Variants in ZDHHC14 observed in about 807,000 individuals in gnomAD.
The protein encoded by ZDHHC14 is zDHHC palmitoyltransferase 14.
ZDHHC14 carries 16 observed loss-of-function variants against 47.7 expected under a neutral mutation model. The observed-to-expected ratio is 0.34, with a 90% CI of 0.23 to 0.51. The LOEUF is 0.51. Among genes scored for constraint, ZDHHC14 ranks in the 20% least tolerant of loss-of-function variants. The pLI is 0.97. For synonymous variants in ZDHHC14, 293 were observed against 278.9 expected (o/e 1.05, Z -0.50); for missense variants, 515 against 662.5 (o/e 0.78, Z 2.44).
Position 157,645,865 on chromosome 6 carries a change from G to A in ZDHHC14, c.855+26G>A, listed in dbSNP as rs201327019. The stretch of plus-strand genomic sequence containing the variant: ...GTAAGTTCCTGACCACACGGGACAC[G>A]GGCGTGTTCTTGGGTTTTGGGCAAT... On this transcript the variant is annotated intron_variant, in intron 6 of 8. Transcript: ENST00000359775. The A allele has an allele frequency of 2.7e-4, 437 of 1,602,378 alleles. 1 individual carries two copies. In the African/African-American group the frequency reaches 4.7e-3, roughly 17 times the overall value.
At chr6:157,474,155 A>G (rs990014418) in intron 1 of ZDHHC14, among the ~76,000 whole-genome samples, 10 of 151,814 alleles carry the variant, frequency 6.6e-5, no homozygotes, top group Non-Finnish European at 1.3e-4. Flanking sequence ...TGCCCAGCTA[A>G]TTTTTTTGTA....
At chr6:157,540,488 A>G (rs1299653315) in intron 1 of ZDHHC14, among the ~76,000 whole-genome samples, 3 of 152,334 alleles carry the variant, frequency 2.0e-5, no homozygotes, top group African/African-American at 7.2e-5. Context: ...CCCTCACAGG[A>G]GGGTTCTGGC....
At chr6:157,488,910 C>G (rs1253931910) in intron 1 of ZDHHC14, among the ~76,000 whole-genome samples, 1 of 152,200 alleles carries the variant, frequency 6.6e-6, no homozygotes, top group East Asian at 1.9e-4. Flanking sequence ...AGCAATCATG[C>G]CACCCATTTA....
At chr6:157,610,515 T>A (rs529061599) in intron 3 of ZDHHC14, among the ~76,000 whole-genome samples, 1 of 152,336 alleles carries the variant, frequency 6.6e-6, no homozygotes, top group East Asian at 1.9e-4. Context: ...AGCCTCCTTT[T>A]ATCTCAACAG....
chr6:157,624,538 C>T (rs1001195344), intron 3 of ZDHHC14, among the ~76,000 whole-genome samples: 1 of 152,202 alleles, frequency 6.6e-6, no homozygotes, highest in Admixed American at 6.5e-5. Context: ...TATGTTGTGG[C>T]AGTTTCTTCT....
chr6:157,597,792 A>T (rs947235312), intron 3 of ZDHHC14, among the ~76,000 whole-genome samples: 6 of 152,246 alleles, frequency 3.9e-5, no homozygotes, highest in African/African-American at 1.4e-4. Flanking sequence ...CGAGCAGACC[A>T]GCCTCCTCCC....
chr6:157,484,306 CATATATAT>C (rs1042050871), intron 1 of ZDHHC14, among the ~76,000 whole-genome samples: 3 of 90,180 alleles, frequency 3.3e-5, no homozygotes, highest in Non-Finnish European at 4.5e-5. Context: ...TATATATATA[CATATATAT>C]ACACATATAT....
chr6:157,647,154 T>C, intron 6 of ZDHHC14, 105 bp from the exon 7 acceptor site: 1 of 767,022 alleles, frequency 1.3e-6, no homozygotes, highest in Non-Finnish European at 2.1e-6. Context: ...TTTCTTTGGA[T>C]TAAAGATGAT....
In ZDHHC14 at chr6:157,640,651, C is replaced by T. The variant is rs113194078; in HGVS notation, c.753-5086C>T. On this transcript the variant is annotated intron_variant, in intron 5 of 8. Transcript: ENST00000359775. ...GCCCAGTTCTCCCAACTACCACCCT[C>T]CCTCCCACCAGGGGACTGAGATACT... Among the ~76,000 whole-genome samples, 3 of 152,122 alleles carry T rather than the reference C, an allele frequency of 2.0e-5. No homozygotes were observed. In the South Asian group the frequency reaches 6.2e-4, roughly 32 times the overall value.
chr6:157,642,066 A>AGT (rs1583061316), intron 5 of ZDHHC14, among the ~76,000 whole-genome samples: 45 of 147,830 alleles, frequency 3.0e-4, no homozygotes, highest in East Asian at 1.6e-3. Flanking sequence ...AGATAGATAG[A>AGT]TAGTTATCAT....
intron 2 of ZDHHC14, among the ~76,000 whole-genome samples, chr6:157,546,686 T>C (rs1781983730): frequency 6.6e-6 from 1 of 152,114 alleles, no homozygotes; most frequent in African/African-American, 2.4e-5. Context: ...TTTTTACAGT[T>C]CACCCAAGGA....
At chr6:157,551,707 T>C (rs1268799419) in intron 2 of ZDHHC14, among the ~76,000 whole-genome samples, 1 of 152,212 alleles carries the variant, frequency 6.6e-6, no homozygotes, top group East Asian at 1.9e-4. Context: ...TCCTCTCCAC[T>C]GCAACTCCCA....
At chr6:157,538,750 C>T (rs1106603) in intron 1 of ZDHHC14, among the ~76,000 whole-genome samples, 27,399 of 152,070 alleles carry the variant, frequency 0.18, 3,960 homozygotes, top group African/African-American at 0.4. Flanking sequence ...GAAACTCTAC[C>T]AAGGCTTTTC....
chr6:157,442,508 C>T (rs1778580600), intron 1 of ZDHHC14, among the ~76,000 whole-genome samples: 2 of 152,200 alleles, frequency 1.3e-5, no homozygotes. Context: ...CCATTTTCCT[C>T]CTGGCTTTCG....
intron 2 of ZDHHC14, among the ~76,000 whole-genome samples, chr6:157,573,917 C>T (rs1783196766): frequency 6.6e-6 from 1 of 151,846 alleles, no homozygotes; most frequent in Admixed American, 6.6e-5. Flanking sequence ...GGGGTCTGTG[C>T]TCAAGCATGC....
At chr6:157,647,631 C>G (rs1383294948) in intron 7 of ZDHHC14, among the ~76,000 whole-genome samples, 2 of 152,106 alleles carry the variant, frequency 1.3e-5, no homozygotes, top group Admixed American at 1.3e-4. Flanking sequence ...TGCCTGTGGC[C>G]CTGCTAATGA....
chr6:157,429,602 AGAAGGAGGGGAAG>A (rs1778296350), intron 1 of ZDHHC14, among the ~76,000 whole-genome samples: 1 of 140,284 alleles, frequency 7.1e-6, no homozygotes, highest in South Asian at 2.3e-4. Flanking sequence ...AGGGAGGGAG[AGAAGGAGGGGAAG>A]GAAGGAGGGG....
intron 2 of ZDHHC14, among the ~76,000 whole-genome samples, chr6:157,588,385 G>A (rs1783774037): frequency 6.6e-6 from 1 of 152,164 alleles, no homozygotes; most frequent in Non-Finnish European, 1.5e-5. Flanking sequence ...CCTGAGCCTG[G>A]GAGGTCAAGG....
chr6:157,400,153 G>A (rs542285923), intron 1 of ZDHHC14, among the ~76,000 whole-genome samples: 2 of 152,148 alleles, frequency 1.3e-5, no homozygotes, highest in East Asian at 1.9e-4. Flanking sequence ...CTGGACCTTG[G>A]TGTGGTCCAC....
Sources: gnomAD v4.1 joint callset for allele counts (sites outside exome capture counted in the v4.1 genomes callset) on GRCh38, gnomAD v4.1.1 for gene constraint, MANE v1.5 for transcripts, NCBI Gene and HGNC (gene_info 2026-07-23, HGNC 2026-07-21) for gene names.